The following SH3TC1 variants were observed in gnomAD, a reference collection of about 807,000 sequenced individuals.
SH3TC1 encodes the protein SH3 domain and tetratricopeptide repeats 1.
SH3TC1 carries 135 observed loss-of-function variants against 117.3 expected under a neutral mutation model. The observed-to-expected ratio is 1.15, with a 90% CI of 1.00 to 1.33. The LOEUF is 1.33. Ranked by LOEUF, SH3TC1 falls within the 40% of genes most tolerant of loss-of-function variation. The pLI, the probability that SH3TC1 is intolerant of heterozygous loss-of-function variation, is 0.00. For synonymous variants in SH3TC1, 898 were observed against 816.9 expected (o/e 1.10, Z -1.69); for missense variants, 2,092 against 1,794.3 (o/e 1.17, Z -3.00).
chr4:8,205,020 C>G lies in SH3TC1; in HGVS notation c.-28-147C>G, dbSNP rs1561679917. Reference sequence around the variant, plus strand: ...GGATCACGCCCACCACAACACGGTGCACGGTGCGGTGAGGGGCTCGCTGGA... The same window carrying G: ...GGATCACGCCCACCACAACACGGTGGACGGTGCGGTGAGGGGCTCGCTGGA... On this transcript the variant is annotated intron_variant, in intron 1 of 17. Coordinates refer to ENST00000245105, the MANE Select transcript of SH3TC1 (RefSeq NM_018986.5). This position sits in a 1 kb window ranked among gnomAD's most constrained non-coding sequence, Gnocchi z 5.4. 1 of 569,020 alleles carries G rather than the reference C, an allele frequency of 1.8e-6. No individual in the cohort carries two copies. The highest frequency in any genetic ancestry group is 4.6e-4 in the Middle Eastern group (1 of 2,152). The allele number at this position is 569,020 out of a possible 1,614,324, so 35.2% of individuals were successfully genotyped here.
chr4:8,214,487 A>G lies in SH3TC1; in HGVS notation c.388A>G (p.Arg130Gly). 1 of 1,613,926 alleles carries G rather than the reference A, an allele frequency of 6.2e-7. No homozygotes were observed. The highest frequency in any genetic ancestry group is 1.3e-5 in the African/African-American group (1 of 75,052). Residue 130 changes from arginine to glycine, a missense_variant, in exon 5 of 18, where the codon AGG becomes GGG. By Grantham distance (125) the Arg-to-Gly change is moderately radical. Transcript: ENST00000245105. ...TCTTTCTCTTAAGGAATTATCAGCCAGGCTGCTGTCCATCCACAGTGACCA... is the reference window on the plus strand; with the variant it reads ...TCTTTCTCTTAAGGAATTATCAGCCGGGCTGCTGTCCATCCACAGTGACCA... ...MARVLGELSA[R>G]LLSIHSDQDR...
In SH3TC1 at chr4:8,237,531, T is replaced by C. The variant is rs760648972; in HGVS notation, c.3614T>C (p.Leu1205Pro). 6.2e-7 allele frequency: 1 copy of C among 1,608,742 alleles called. No homozygotes were observed. Among genetic ancestry groups the C allele is most frequent in the Non-Finnish European group, 8.5e-7 (1 of 1,178,330 alleles). ...CGGCTGGCCGCCCTGCAACACCGAC[T>C]GGGCCATGGCGAGCTGGCAGAGCAC... ...YHRLAALQHR[L>P]GHGELAEHFY... Residue 1205 changes from leucine (L) to proline (P), a missense_variant, in exon 17 of 18, where the codon CTG (leucine) becomes CCG (proline). Physicochemically the swap from Leu to Pro is moderately conservative, Grantham distance 98. Coordinates refer to ENST00000245105, the MANE Select transcript of SH3TC1 (RefSeq NM_018986.5).
In SH3TC1 at chr4:8,186,702, G is replaced by C. The variant is rs1363550340; in HGVS notation, c.-57+4492G>C. ...CTCACGCCTGTAATCCCAGCACTTT[G>C]GGAGATGGAGGTGGGTAGATCACTT... is the stretch of plus-strand genomic sequence containing the variant. On this transcript the variant is annotated intron_variant, in intron 1 of 16. Transcript: ENST00000508641. The surrounding 1 kb of genome is among the most constrained non-coding windows in gnomAD (Gnocchi z 5.2). Among the ~76,000 whole-genome samples, 1 of 152,190 alleles carries C rather than the reference G, an allele frequency of 6.6e-6. No individual in the cohort carries two copies. The highest frequency in any genetic ancestry group is 1.5e-5 in the Non-Finnish European group (1 of 68,030).
At chr4:8,200,785 C>A (rs908546087) in intron 1 of SH3TC1, among the ~76,000 whole-genome samples, 12 of 152,230 alleles carry the variant, frequency 7.9e-5, no homozygotes. Context: ...TGCCTCTTCC[C>A]GCTGCCTGTG....
Position 8,209,802 on chromosome 4 carries a change from A to C in SH3TC1, c.227A>C (p.Gln76Pro). ...AGPAAGTPPC[Q>P]MGVYPTDLTL... ...CCTGCTGCTGGGACCCCTCCCTGCCAGATGGGGGTTTATCCCACAGGTAAA... is the reference window on the plus strand; with the variant it reads ...CCTGCTGCTGGGACCCCTCCCTGCCCGATGGGGGTTTATCCCACAGGTAAA... The change falls in exon 3 of 18, where the codon CAG (glutamine) becomes CCG (proline). Residue 76 changes from glutamine to proline, a missense_variant. Coordinates refer to ENST00000245105, the MANE Select transcript of SH3TC1 (RefSeq NM_018986.5). The surrounding 1 kb of genome is among the most constrained non-coding windows in gnomAD (Gnocchi z 5.9). 1 of 1,613,522 alleles carries C rather than the reference A, an allele frequency of 6.2e-7. No individual in the cohort carries two copies. Among genetic ancestry groups the C allele is most frequent in the Non-Finnish European group, 8.5e-7 (1 of 1,179,976 alleles).
In SH3TC1 at chr4:8,206,104, A is replaced by C; in HGVS notation, c.172+738A>C. 1 of 176,804 alleles carries C rather than the reference A, an allele frequency of 5.7e-6. No homozygotes were observed. The highest frequency in any genetic ancestry group is 1.2e-5 in the Non-Finnish European group (1 of 83,114). The allele number at this position is 176,804 out of a possible 1,614,324, so 11.0% of individuals were successfully genotyped here. A position where few individuals can be genotyped will look rare whatever the true frequency, so the allele number is the denominator to read the frequency against. On this transcript the variant is annotated intron_variant, in intron 2 of 17. Coordinates refer to ENST00000245105, the MANE Select transcript of SH3TC1 (RefSeq NM_018986.5). The surrounding 1 kb of genome is among the most constrained non-coding windows in gnomAD (Gnocchi z 5.5). Reference sequence around the variant, plus strand: ...TCGTCACTGTTCAAGGGATTGATGAATGAAGGATGTGTTTGGACAGTGGCG... The same window carrying C: ...TCGTCACTGTTCAAGGGATTGATGACTGAAGGATGTGTTTGGACAGTGGCG...
chr4:8,198,220 T>C (rs1717624465), upstream of SH3TC1, among the ~76,000 whole-genome samples: 1 of 152,216 alleles, frequency 6.6e-6, no homozygotes, highest in Admixed American at 6.5e-5. Context: ...ATCTTCTTGT[T>C]GGTCACTGGC....
Position 8,227,035 on chromosome 4 carries a change from G to A in SH3TC1, c.1341G>A (p.Lys447=), listed in dbSNP as rs747580786. 1.9e-6 allele frequency: 3 copies of A among 1,579,464 alleles called. No individual in the cohort carries two copies. The South Asian group carries it at 3.5e-5, about 18-fold the overall frequency. The change falls in exon 12 of 18, where the codon AAG becomes AAA. Residue 447 remains lysine, a synonymous_variant. Coordinates refer to ENST00000245105, the MANE Select transcript of SH3TC1 (RefSeq NM_018986.5). ...CACAGGAGACCTTGCAGAAGGTGAA[G>A]AATGTTCTGGAACAATGCAAGACCT... ...LEPQETLQKV[K]NVLEQCKTCP... is the part of the protein sequence containing the mutation.
chr4:8,239,604 A>G (rs1404638011), intron 17 of SH3TC1, among the ~76,000 whole-genome samples: 1 of 152,080 alleles, frequency 6.6e-6, no homozygotes, highest in Non-Finnish European at 1.5e-5. Flanking sequence ...GCACGTGCAC[A>G]CACACAGGCA....
Position 8,217,028 on chromosome 4 carries a change from C to T in SH3TC1, c.700C>T (p.Pro234Ser), listed in dbSNP as rs755554218. 5 of 1,613,736 alleles carry T rather than the reference C, an allele frequency of 3.1e-6. No individual in the cohort carries two copies. The South Asian group carries it at 5.5e-5, about 18-fold the overall frequency. The change falls in exon 7 of 18, where the codon CCC becomes TCC. Residue 234 changes from proline to serine, a missense_variant. Transcript: ENST00000245105. ...MTGPRDAGNG[P>S]QALRQASGAP... Reference sequence around the variant, plus strand: ...GGGTCCCCGGGATGCAGGAAATGGCCCCCAGGCCCTCAGGCAGGCTTCGGG... The same window carrying T: ...GGGTCCCCGGGATGCAGGAAATGGCTCCCAGGCCCTCAGGCAGGCTTCGGG...
chr4:8,204,109 C>T (rs1316210271), intron 1 of SH3TC1, among the ~76,000 whole-genome samples: 1 of 152,226 alleles, frequency 6.6e-6, no homozygotes, highest in Admixed American at 6.5e-5. Context: ...CTTTTGCTCC[C>T]AGACAGAGGT....
rs2152994952 is a variant in SH3TC1, at chr4:8,232,127, C to T, written c.3102C>T (p.Ser1034=). 1.2e-6 allele frequency: 2 copies of T among 1,609,766 alleles called. No homozygotes were observed. Among genetic ancestry groups the T allele is most frequent in the South Asian group, 1.1e-5 (1 of 90,994 alleles). ...VLEGQLLETI[S]QLYLSLGTER... ...AGGGGCAGCTCCTGGAGACCATCAG[C>T]CAGCTCTACCTGTCCCTGGGCACCG... Residue 1034 remains serine (S), a synonymous_variant, in exon 13 of 18, where the codon AGC becomes AGT. Coordinates refer to ENST00000245105, the MANE Select transcript of SH3TC1 (RefSeq NM_018986.5).
At chr4:8,182,536 G>A (rs1042074298) in intron 1 of SH3TC1, among the ~76,000 whole-genome samples, 2 of 152,204 alleles carry the variant, frequency 1.3e-5, no homozygotes, top group African/African-American at 2.4e-5. Context: ...ACGACTGGGC[G>A]GGCAGGGTGC....
intron 13 of SH3TC1, chr4:8,232,397 C>T: frequency 6.3e-7 from 1 of 1,579,250 alleles, no homozygotes; most frequent in Non-Finnish European, 8.6e-7. Context: ...TGCTTGCACA[C>T]CTCCCCAAAG....
At chr4:8,228,726 C>A in intron 12 of SH3TC1, 82 bp downstream of exon 12, 1 of 1,216,174 alleles carries the variant, frequency 8.2e-7, no homozygotes, top group Non-Finnish European at 1.1e-6. Flanking sequence ...CAGACACAAG[C>A]GGTGGTTTTT....
chr4:8,205,817 A>C lies in SH3TC1; in HGVS notation c.172+451A>C. Reference sequence around the variant, plus strand: ...AGGGGCCGGGCCAGGACGTGTGCCCAGTTTCCTGAATTCCCGGGAGACCTG... The same window carrying C: ...AGGGGCCGGGCCAGGACGTGTGCCCCGTTTCCTGAATTCCCGGGAGACCTG... On this transcript the variant is annotated intron_variant, in intron 2 of 17. Transcript: ENST00000245105. The surrounding 1 kb of genome is among the most constrained non-coding windows in gnomAD (Gnocchi z 5.4). 1.7e-6 allele frequency: 1 copy of C among 598,470 alleles called. No individual in the cohort carries two copies. The highest frequency in any genetic ancestry group is 2.0e-5 in the South Asian group (1 of 49,888). The allele number at this position is 598,470 out of a possible 1,614,324, so 37.1% of individuals were successfully genotyped here.
In SH3TC1 at chr4:8,183,490, C is replaced by A. The variant is rs1156985012; in HGVS notation, c.-57+1280C>A. ...TGAGGCCCATGGCAAGCAGCCCCAC[C>A]CAAGCAGGCGGCTCCAGGCTTGGCT... On this transcript the variant is annotated intron_variant, in intron 1 of 16. Coordinates refer to the SH3TC1 transcript ENST00000508641. This position sits in a 1 kb window ranked among gnomAD's most constrained non-coding sequence, Gnocchi z 5.4. Among the ~76,000 whole-genome samples, 1 of 152,216 alleles carries A rather than the reference C, an allele frequency of 6.6e-6. No homozygotes were observed. The highest frequency in any genetic ancestry group is 1.5e-5 in the Non-Finnish European group (1 of 68,028).
Position 8,209,943 on chromosome 4 carries a change from A to T in SH3TC1, c.247+121A>T. 1.0e-6 allele frequency: 1 copy of T among 985,020 alleles called. No homozygotes were observed. Among genetic ancestry groups the T allele is most frequent in the Admixed American group, 2.5e-5 (1 of 39,896 alleles). The allele number at this position is 985,020 out of a possible 1,614,324, so 61.0% of individuals were successfully genotyped here. ...GTGGCCTCAGACTTCCCACCTTAAA[A>T]TCATGATGGGAATAGAAAGAAGGGT... On this transcript the variant is annotated intron_variant, in intron 3 of 17. Transcript: ENST00000245105. The surrounding 1 kb of genome is among the most constrained non-coding windows in gnomAD (Gnocchi z 5.9).
intron 5 of SH3TC1, chr4:8,215,269 T>C (rs1719146339): frequency 2.2e-6 from 1 of 455,902 alleles, no homozygotes; most frequent in Non-Finnish European, 4.4e-6. Context: ...ACATTCCCTG[T>C]TCCATTTGGA....
Sources: gnomAD v4.1 joint callset for allele counts (sites outside exome capture counted in the v4.1 genomes callset) on GRCh38, gnomAD v4.1.1 for gene constraint, Gnocchi (gnomAD v3.1) non-coding constraint, MANE v1.5 for transcripts, NCBI Gene and HGNC (gene_info 2026-07-23, HGNC 2026-07-21) for gene names.